Variants in SLC25A21 observed in about 807,000 individuals in gnomAD.
SLC25A21 encodes mitochondrial 2-oxodicarboxylate carrier.
In SLC25A21, 47 loss-of-function variants were observed where a neutral mutation model predicts 43.8. The observed-to-expected ratio is 1.07, with a 90% CI of 0.85 to 1.37. The LOEUF (loss-of-function observed/expected upper bound fraction) is 1.37. SLC25A21 is among the 40% of genes most tolerant of loss of function. SLC25A21 has a pLI of 0.00. For synonymous variants in SLC25A21, 131 were observed against 121.3 expected (o/e 1.08, Z -0.52); for missense variants, 352 against 350.2 (o/e 1.00, Z -0.04).
intron 1 of SLC25A21, among the ~76,000 whole-genome samples, chr14:37,003,722 G>A (rs868356123): frequency 6.6e-6 from 1 of 152,136 alleles, no homozygotes; most frequent in Non-Finnish European, 1.5e-5. Context: ...AATCTCTGAC[G>A]TTAGAACAGT....
At chr14:37,031,119 C>G (rs1280471077) in intron 1 of SLC25A21, among the ~76,000 whole-genome samples, 1 of 152,178 alleles carries the variant, frequency 6.6e-6, no homozygotes, top group East Asian at 1.9e-4. Context: ...AGGCAGCAAG[C>G]CCTTCTGCGC....
At chr14:36,838,209 T>C (rs712360) in intron 2 of SLC25A21, among the ~76,000 whole-genome samples, 142,768 of 152,254 alleles carry the variant, frequency 0.94, 67,630 homozygotes, top group East Asian at 1. Context: ...CTCCTCGGTG[T>C]GAGGATACGG....
At chr14:36,754,743 A>AG (rs397763721) in intron 3 of SLC25A21, among the ~76,000 whole-genome samples, 3 of 151,874 alleles carry the variant, frequency 2.0e-5, no homozygotes, top group African/African-American at 7.3e-5. Context: ...GAGAAAAAAA[A>AG]AGAGATAAAA....
intron 1 of SLC25A21, among the ~76,000 whole-genome samples, chr14:37,069,032 C>G (rs932963225): frequency 1.3e-5 from 2 of 152,016 alleles, no homozygotes; most frequent in African/African-American, 2.4e-5. Context: ...AAAAAATTAG[C>G]CGGGCATGGT....
rs78764136 is a variant in SLC25A21 at position 36,848,374 on chromosome 14, T to C, written c.119+26582A>G. On this transcript the variant is annotated intron_variant, in intron 2 of 9. Transcript: ENST00000331299. ...TTTCCAGTGTCATAAATCATCATAA[T>C]TAACAACCTTTCAACCAAATGGATC... Among the ~76,000 whole-genome samples, 21 of 152,324 alleles carry C rather than the reference T, an allele frequency of 1.4e-4. No homozygotes were observed. In the East Asian group the frequency reaches 3.9e-3, roughly 28 times the overall value.
chr14:37,039,198 T>C (rs1454844818), intron 1 of SLC25A21, among the ~76,000 whole-genome samples: 2 of 152,196 alleles, frequency 1.3e-5, no homozygotes. Context: ...TGACAGTATG[T>C]TGCAAAATAC....
intron 3 of SLC25A21, among the ~76,000 whole-genome samples, chr14:36,771,407 A>G (rs1332995206): frequency 6.6e-6 from 1 of 152,100 alleles, no homozygotes; most frequent in African/African-American, 2.4e-5. Context: ...AACTCCTTCC[A>G]TTGTTATCAG....
rs1882176565 is a variant in SLC25A21 at position 36,680,419 on chromosome 14, T to G, written c.*239A>C. ...ATGATTTCTATGCTATTTTTCTATATTCACTTTAAATACCTCATTGTTTCA... is the reference window on the plus strand; with the variant it reads ...ATGATTTCTATGCTATTTTTCTATAGTCACTTTAAATACCTCATTGTTTCA... On this transcript the variant is annotated 3_prime_UTR_variant, in exon 10 of 10. Coordinates refer to ENST00000331299, the MANE Select transcript of SLC25A21 (RefSeq NM_030631.4). 2.6e-6 allele frequency: 3 copies of G among 1,138,676 alleles called. No individual in the cohort carries two copies. Among genetic ancestry groups the G allele is most frequent in the South Asian group, 8.6e-5 (2 of 23,216 alleles). 70.5% of individuals were successfully genotyped at this position (1,138,676 alleles called of 1,614,324 possible).
In SLC25A21 at chr14:36,755,046, CACAA is replaced by C. The variant is rs1186776270; in HGVS notation, c.204-20477_204-20474del. Reference sequence around the variant, plus strand: ...AAATAAAAATTTAAAATTAAAATCACACAAACAATCTACAATTCTAAAATAAAGA... The same window carrying C: ...AAATAAAAATTTAAAATTAAAATCACACAATCTACAATTCTAAAATAAAGA... On this transcript the variant is annotated intron_variant, in intron 3 of 9. Transcript: ENST00000331299. Among the ~76,000 whole-genome samples the C allele has an allele frequency of 8.1e-4, 124 of 152,254 alleles. No individual in the cohort carries two copies. In the Middle Eastern group the frequency reaches 0.017, roughly 21 times the overall value.
intron 1 of SLC25A21, among the ~76,000 whole-genome samples, chr14:37,101,633 G>A (rs920429085): frequency 2.6e-5 from 4 of 152,148 alleles, no homozygotes; most frequent in East Asian, 1.9e-4. Context: ...TTATAGTCAT[G>A]CAATAAATTT....
intron 1 of SLC25A21, among the ~76,000 whole-genome samples, chr14:37,000,244 A>T (rs1201047198): frequency 2.0e-5 from 3 of 152,010 alleles, no homozygotes; most frequent in African/African-American, 7.2e-5. Context: ...TCTTCTTCCC[A>T]TCTCCACTGC....
At chr14:36,895,815 A>G (rs989747726) in intron 1 of SLC25A21, among the ~76,000 whole-genome samples, 1 of 152,194 alleles carries the variant, frequency 6.6e-6, no homozygotes, top group Non-Finnish European at 1.5e-5. Flanking sequence ...GTCATTCAGG[A>G]GCAAGTTGTT....
chr14:36,865,043 T>TAAAAA (rs1566687504), intron 2 of SLC25A21, among the ~76,000 whole-genome samples: 1 of 151,774 alleles, frequency 6.6e-6, no homozygotes, highest in Non-Finnish European at 1.5e-5. Context: ...TTTTTTTTTT[T>TAAAAA]AAAAGATCTA....
intron 6 of SLC25A21, among the ~76,000 whole-genome samples, chr14:36,723,075 T>G (rs1884439623): frequency 6.6e-6 from 1 of 152,178 alleles, no homozygotes; most frequent in African/African-American, 2.4e-5. Flanking sequence ...ATCTATCCCC[T>G]TGTTGGATAA....
intron 2 of SLC25A21, among the ~76,000 whole-genome samples, chr14:36,845,439 G>A (rs548082716): frequency 4.9e-4 from 74 of 152,248 alleles, no homozygotes; most frequent in African/African-American, 1.6e-3. Flanking sequence ...AAATACAGTA[G>A]AAATGATATG....
At chr14:36,957,335 C>G (rs138293938) in intron 1 of SLC25A21, among the ~76,000 whole-genome samples, 2 of 151,472 alleles carry the variant, frequency 1.3e-5, no homozygotes, top group African/African-American at 4.8e-5. Context: ...CTGGGAAAAG[C>G]GTTCAGAGCT....
intron 1 of SLC25A21, among the ~76,000 whole-genome samples, chr14:36,983,139 A>C (rs967234165): frequency 6.6e-6 from 1 of 152,204 alleles, no homozygotes; most frequent in Non-Finnish European, 1.5e-5. Context: ...CTTGACATTT[A>C]AGAGTCTTGA....
chr14:37,095,273 G>A (rs1255177717), intron 1 of SLC25A21, among the ~76,000 whole-genome samples: 3 of 151,922 alleles, frequency 2.0e-5, no homozygotes, highest in East Asian at 1.9e-4. Context: ...ATCCTGGCAC[G>A]GTGGGAGGCC....
At chr14:36,688,431 C>T (rs1882646541) in intron 7 of SLC25A21, among the ~76,000 whole-genome samples, 1 of 152,228 alleles carries the variant, frequency 6.6e-6, no homozygotes. Flanking sequence ...GCAGAGTACA[C>T]TGTAGGTGCT....
Sources: gnomAD v4.1 joint callset for allele counts (sites outside exome capture counted in the v4.1 genomes callset) on GRCh38, gnomAD v4.1.1 for gene constraint, MANE v1.5 for transcripts, NCBI Gene and HGNC (gene_info 2026-07-23, HGNC 2026-07-21) for gene names.